Variants in DLGAP1 observed in about 807,000 individuals in gnomAD.
The protein encoded by DLGAP1 is DLG associated protein 1, also known as disks large-associated protein 1.
DLGAP1 carries 11 observed loss-of-function variants against 90.8 expected under a neutral mutation model. The ratio of observed to expected loss-of-function variants is 0.12; its 90% confidence interval spans 0.08 to 0.20. The LOEUF is 0.20. Among genes scored for constraint, DLGAP1 ranks in the 10% least tolerant of loss-of-function variants. DLGAP1 has a pLI of 1.00. For missense variants in DLGAP1, 1,050 were observed against 1,333.8 expected, an observed-to-expected ratio of 0.79 and a Z score of 3.31; for synonymous variants, 558 against 540.7, an observed-to-expected ratio of 1.03 and a Z score of -0.44.
chr18:4,030,517 C>T (rs529362303), intron 2 of DLGAP1, among the ~76,000 whole-genome samples: 1 of 152,274 alleles, frequency 6.6e-6, no homozygotes, highest in African/African-American at 2.4e-5. Flanking sequence ...CCAGCCCATC[C>T]CATGGAATCG....
chr18:3,822,047 G>T, intron 4 of DLGAP1: 1 of 841,670 alleles, frequency 1.2e-6, no homozygotes, highest in Non-Finnish European at 1.4e-6. Context: ...AAAAGAGCAA[G>T]AATAGGAAAA....
intron 2 of DLGAP1, among the ~76,000 whole-genome samples, chr18:4,055,078 T>C (rs1233623467): frequency 6.6e-6 from 1 of 152,182 alleles, no homozygotes; most frequent in Non-Finnish European, 1.5e-5. Context: ...GGTCCGCACA[T>C]ACTGTGATAA....
At chr18:4,036,456 G>A (rs748652840) in intron 2 of DLGAP1, among the ~76,000 whole-genome samples, 8 of 152,158 alleles carry the variant, frequency 5.3e-5, no homozygotes, top group Non-Finnish European at 1.5e-5. Context: ...CCTTCCCCAA[G>A]TTTGACAGTT....
At chr18:4,164,086 T>C (rs1367977455) in intron 1 of DLGAP1, among the ~76,000 whole-genome samples, 2 of 152,042 alleles carry the variant, frequency 1.3e-5, no homozygotes, top group African/African-American at 4.8e-5. Flanking sequence ...TGGAAAGCAC[T>C]GAAAACTAAA....
intron 5 of DLGAP1, among the ~76,000 whole-genome samples, chr18:3,780,750 T>C (rs1308963282): frequency 6.6e-6 from 1 of 152,242 alleles, no homozygotes; most frequent in East Asian, 1.9e-4. Context: ...CACAAGATCC[T>C]TTCATGTATT....
At chr18:3,583,147 T>G (rs7232641) in intron 7 of DLGAP1, among the ~76,000 whole-genome samples, 38,523 of 106,150 alleles carry the variant, frequency 0.36, 5,403 homozygotes, top group East Asian at 0.45. Flanking sequence ...CTGACCGACC[T>G]ACCTACCTAC....
intron 7 of DLGAP1, among the ~76,000 whole-genome samples, chr18:3,698,340 C>T (rs2061165609): frequency 6.6e-6 from 1 of 152,124 alleles, no homozygotes; most frequent in African/African-American, 2.4e-5. Flanking sequence ...TCCTTTCCAT[C>T]TTTAGTGCTT....
At chr18:3,865,052 T>C (rs1268019497) in intron 4 of DLGAP1, among the ~76,000 whole-genome samples, 1 of 152,094 alleles carries the variant, frequency 6.6e-6, no homozygotes, top group Non-Finnish European at 1.5e-5. Flanking sequence ...CCATCTGGTC[T>C]CCCAAAAAGT....
At chr18:4,038,754 T>C (rs977621309) in intron 2 of DLGAP1, among the ~76,000 whole-genome samples, 30 of 152,148 alleles carry the variant, frequency 2.0e-4, no homozygotes, top group African/African-American at 7.2e-4. Flanking sequence ...CCTCTGAGGT[T>C]GGACAGGGAT....
intron 7 of DLGAP1, among the ~76,000 whole-genome samples, chr18:3,717,667 A>G (rs1392294691): frequency 6.6e-6 from 1 of 152,242 alleles, no homozygotes; most frequent in Non-Finnish European, 1.5e-5. Context: ...CTGTGGAGAC[A>G]TCAGAGTCAT....
intron 1 of DLGAP1, among the ~76,000 whole-genome samples, chr18:4,339,786 C>T (rs1168259233): frequency 6.6e-6 from 1 of 152,078 alleles, no homozygotes; most frequent in Non-Finnish European, 1.5e-5. Context: ...TTATCATTTA[C>T]CCTGAATGTA....
intron 1 of DLGAP1, among the ~76,000 whole-genome samples, chr18:4,174,360 A>G (rs1400634640): frequency 2.0e-5 from 3 of 151,766 alleles, no homozygotes; most frequent in Non-Finnish European, 4.4e-5. Flanking sequence ...TTCGAGACGG[A>G]GTCTTGCTCT....
intron 12 of DLGAP1, 45 bp downstream of exon 12, chr18:3,502,448 T>G: frequency 1.2e-6 from 2 of 1,613,024 alleles, no homozygotes; most frequent in African/African-American, 2.7e-5. Flanking sequence ...GTCCAGTGTT[T>G]GTGCAGGTTT....
intron 1 of DLGAP1, among the ~76,000 whole-genome samples, chr18:4,322,201 GA>G (rs2080708687): frequency 6.8e-6 from 1 of 147,768 alleles, no homozygotes; most frequent in South Asian, 2.2e-4. Context: ...CTCCATCTCA[GA>G]AAAAAAGAAA....
At chr18:4,030,024 G>A (rs996915780) in intron 2 of DLGAP1, among the ~76,000 whole-genome samples, 2 of 152,022 alleles carry the variant, frequency 1.3e-5, no homozygotes, top group Non-Finnish European at 1.5e-5. Flanking sequence ...CGGGAGTCTC[G>A]CTCTGTCACC....
intron 2 of DLGAP1, among the ~76,000 whole-genome samples, chr18:4,032,440 A>C (rs1041602367): frequency 6.6e-6 from 1 of 152,240 alleles, no homozygotes; most frequent in Non-Finnish European, 1.5e-5. Context: ...TGAACATCAA[A>C]AAAAAGAAAA....
intron 1 of DLGAP1, among the ~76,000 whole-genome samples, chr18:4,380,876 G>C (rs961184642): frequency 2.0e-5 from 3 of 152,142 alleles, no homozygotes; most frequent in African/African-American, 7.2e-5. Flanking sequence ...TAATGATGCA[G>C]CTGCCAATAT....
intron 7 of DLGAP1, among the ~76,000 whole-genome samples, chr18:3,647,090 T>C (rs2059149858): frequency 6.6e-6 from 1 of 151,498 alleles, no homozygotes; most frequent in Non-Finnish European, 1.5e-5. Context: ...TTCTACTAAA[T>C]ACAAAAAATT....
intron 7 of DLGAP1, among the ~76,000 whole-genome samples, chr18:3,616,267 C>T (rs2057859137): frequency 6.6e-6 from 1 of 152,178 alleles, no homozygotes; most frequent in South Asian, 2.1e-4. Flanking sequence ...CTGTTAAAAG[C>T]CATCCAGCAC....
Sources: gnomAD v4.1 joint callset for allele counts (sites outside exome capture counted in the v4.1 genomes callset) on GRCh38, gnomAD v4.1.1 for gene constraint, MANE v1.5 for transcripts, NCBI Gene and HGNC (gene_info 2026-07-23, HGNC 2026-07-21) for gene names.